The following OPCML variants were observed in gnomAD, a reference collection of about 807,000 sequenced individuals.
The protein encoded by OPCML is opioid-binding protein/cell adhesion molecule.
In OPCML, 13 loss-of-function variants were observed where a neutral mutation model predicts 37.8. The ratio of observed to expected loss-of-function variants is 0.34; its 90% CI spans 0.22 to 0.55. The LOEUF (loss-of-function observed/expected upper bound fraction) is 0.55. Among genes scored for constraint, OPCML ranks in the 20% least tolerant of loss-of-function variants. The probability of loss-of-function intolerance (pLI) is 0.91; values close to 1 mark genes in which losing one functional copy is unlikely to be tolerated. For synonymous variants in OPCML, 176 were observed against 168.8 expected (o/e 1.04, Z -0.33); for missense variants, 341 against 435.6 (o/e 0.78, Z 1.93).
chr11:132,852,244 G>A (rs1280280719), intron 2 of OPCML, among the ~76,000 whole-genome samples: 4 of 151,940 alleles, frequency 2.6e-5, no homozygotes, highest in Non-Finnish European at 5.9e-5. Flanking sequence ...TAAAAATGGG[G>A]GCTCCCACAT....
intron 4 of OPCML, among the ~76,000 whole-genome samples, chr11:132,500,874 G>T (rs1377660318): frequency 6.6e-6 from 1 of 152,146 alleles, no homozygotes; most frequent in African/African-American, 2.4e-5. Flanking sequence ...TCCCTGCAAA[G>T]GACATGAACT....
chr11:133,040,998 A>G (rs1947882724), intron 1 of OPCML, among the ~76,000 whole-genome samples: 1 of 152,202 alleles, frequency 6.6e-6, no homozygotes, highest in African/African-American at 2.4e-5. Flanking sequence ...GGGGGCTCGG[A>G]CTATAAAAGG....
chr11:133,152,629 T>A (rs1229943183), intron 1 of OPCML, among the ~76,000 whole-genome samples: 1 of 152,106 alleles, frequency 6.6e-6, no homozygotes, highest in Non-Finnish European at 1.5e-5. Flanking sequence ...CAGAGACATT[T>A]CTTCAGTAAT....
At chr11:132,928,760 A>G (rs1453660477) in intron 2 of OPCML, among the ~76,000 whole-genome samples, 1 of 152,108 alleles carries the variant, frequency 6.6e-6, no homozygotes, top group Admixed American at 6.5e-5. Flanking sequence ...GACAGAAATC[A>G]TACTAAGTAT....
chr11:133,020,380 C>T (rs918793261), intron 1 of OPCML, among the ~76,000 whole-genome samples: 5 of 152,230 alleles, frequency 3.3e-5, no homozygotes, highest in Admixed American at 3.3e-4. Context: ...CTGTCTGCTA[C>T]AGCCCACTTC....
intron 1 of OPCML, among the ~76,000 whole-genome samples, chr11:133,242,003 G>T (rs1940750537): frequency 6.6e-6 from 1 of 152,116 alleles, no homozygotes; most frequent in Non-Finnish European, 1.5e-5. Context: ...AGATCTCTTT[G>T]TCTTGCACAC....
chr11:133,313,973 C>G (rs975514496), intron 1 of OPCML, among the ~76,000 whole-genome samples: 4 of 152,058 alleles, frequency 2.6e-5, no homozygotes, highest in South Asian at 2.1e-4. Context: ...CAGTGGCTCA[C>G]GCCTGTAATC....
At chr11:133,012,017 G>A (rs1264074460) in intron 1 of OPCML, among the ~76,000 whole-genome samples, 1 of 152,126 alleles carries the variant, frequency 6.6e-6, no homozygotes, top group African/African-American at 2.4e-5. Flanking sequence ...ACTGTGTTTG[G>A]ATCATGAGCT....
intron 2 of OPCML, among the ~76,000 whole-genome samples, chr11:132,710,995 TAAG>T (rs779152796): frequency 8.6e-5 from 13 of 152,024 alleles, no homozygotes; most frequent in Non-Finnish European, 1.8e-4. Context: ...GAGGAAAGTT[TAAG>T]AAGAACCAAG....
intron 2 of OPCML, among the ~76,000 whole-genome samples, chr11:132,818,601 A>T (rs1939769901): frequency 9.6e-6 from 1 of 104,102 alleles, no homozygotes; most frequent in South Asian, 3.2e-4. Context: ...ATAGATAGAT[A>T]GATAGATGAT....
At chr11:133,114,337 G>A (rs533272236) in intron 1 of OPCML, among the ~76,000 whole-genome samples, 74 of 152,166 alleles carry the variant, frequency 4.9e-4, no homozygotes, top group African/African-American at 1.7e-3. Context: ...AAACTTTTGG[G>A]GTCGTTCTGA....
intron 1 of OPCML, among the ~76,000 whole-genome samples, chr11:133,312,198 G>T (rs1943081060): frequency 1.3e-5 from 2 of 152,174 alleles, no homozygotes; most frequent in African/African-American, 4.8e-5. Context: ...CTCCAAATAT[G>T]TTATGACAAA....
intron 1 of OPCML, among the ~76,000 whole-genome samples, chr11:133,342,348 G>A (rs1943889954): frequency 6.6e-6 from 1 of 152,190 alleles, no homozygotes; most frequent in South Asian, 2.1e-4. Flanking sequence ...GAAACACCGC[G>A]CCCCGCACTC....
chr11:132,771,247 G>C (rs867885848), intron 2 of OPCML, among the ~76,000 whole-genome samples: 14 of 152,168 alleles, frequency 9.2e-5, no homozygotes, highest in East Asian at 5.8e-4. Context: ...ACTATGCTTT[G>C]ATATCTATAC....
intron 1 of OPCML, among the ~76,000 whole-genome samples, chr11:133,284,077 A>G (rs1282575885): frequency 6.6e-6 from 1 of 152,158 alleles, no homozygotes; most frequent in Non-Finnish European, 1.5e-5. Flanking sequence ...AGGTCAATAT[A>G]TTGAGCCGTG....
chr11:132,566,549 T>A (rs117167607), intron 3 of OPCML, among the ~76,000 whole-genome samples: 2,065 of 152,332 alleles, frequency 0.014, 24 homozygotes, highest in Non-Finnish European at 0.022. Flanking sequence ...CACTTGGAAA[T>A]GTGTGAGCTT....
intron 3 of OPCML, among the ~76,000 whole-genome samples, chr11:132,601,406 A>T (rs987314116): frequency 6.6e-6 from 1 of 152,186 alleles, no homozygotes; most frequent in South Asian, 2.1e-4. Flanking sequence ...GCCCAATTTT[A>T]AAGTAATCAA....
intron 3 of OPCML, among the ~76,000 whole-genome samples, chr11:132,557,766 G>T (rs1231129075): frequency 2.0e-5 from 3 of 152,070 alleles, no homozygotes; most frequent in Non-Finnish European, 4.4e-5. Context: ...TGCACTATCT[G>T]CATGAGAAGG....
chr11:133,495,443 G>T (rs1258362572), intron 1 of OPCML, among the ~76,000 whole-genome samples: 1 of 152,128 alleles, frequency 6.6e-6, no homozygotes, highest in African/African-American at 2.4e-5. Context: ...TGGATCTAAT[G>T]GTAGTTCTAC....
Sources: gnomAD v4.1 joint callset for allele counts (sites outside exome capture counted in the v4.1 genomes callset) on GRCh38, gnomAD v4.1.1 for gene constraint, MANE v1.5 for transcripts, NCBI Gene and HGNC (gene_info 2026-07-23, HGNC 2026-07-21) for gene names.